Variants in PTPRM observed in about 807,000 individuals in gnomAD.
PTPRM encodes the protein protein tyrosine phosphatase receptor type M.
In PTPRM, 47 loss-of-function variants were observed where a neutral mutation model predicts 186.7. The ratio of observed to expected loss-of-function variants is 0.25; its 90% CI spans 0.20 to 0.32. The LOEUF (loss-of-function observed/expected upper bound fraction) is 0.32. Ranked by LOEUF, PTPRM falls within the 10% of genes least tolerant of loss-of-function variation. The pLI is 1.00. For synonymous variants in PTPRM, 668 were observed against 674.9 expected, an observed-to-expected ratio of 0.99 and a Z score of 0.16; for missense variants, 1,494 against 1,865.0, an observed-to-expected ratio of 0.80 and a Z score of 3.66.
intron 1 of PTPRM, among the ~76,000 whole-genome samples, chr18:7,625,463 G>T (rs550766958): frequency 2.0e-5 from 3 of 152,330 alleles, no homozygotes; most frequent in South Asian, 2.1e-4. Flanking sequence ...ATATTGCAAG[G>T]TAAGAGAATA....
chr18:7,762,346 C>T (rs574789341), intron 1 of PTPRM, among the ~76,000 whole-genome samples: 1 of 151,934 alleles, frequency 6.6e-6, no homozygotes, highest in East Asian at 2.0e-4. Flanking sequence ...GGGACAAGTG[C>T]TGAACAGGTG....
intron 14 of PTPRM, among the ~76,000 whole-genome samples, chr18:8,182,889 G>T (rs1313793003): frequency 1.3e-5 from 2 of 152,210 alleles, no homozygotes; most frequent in Non-Finnish European, 2.9e-5. Flanking sequence ...CACTGTGAGT[G>T]TGCACGGGTA....
chr18:8,302,702 A>G (rs1448565093), intron 20 of PTPRM, among the ~76,000 whole-genome samples: 1 of 152,076 alleles, frequency 6.6e-6, no homozygotes. Context: ...AAGACAGAAG[A>G]GCCAGAGATG....
chr18:8,085,690 G>C lies in PTPRM; in HGVS notation c.1571G>C (p.Ser524Thr), dbSNP rs568430278. The C allele has an allele frequency of 6.2e-7, 1 of 1,606,846 alleles. No homozygotes were observed. Among genetic ancestry groups the C allele is most frequent in the Admixed American group, 1.7e-5 (1 of 59,942 alleles). ...TLYEITYKAV[S>T]SFDPEIDLSN... The stretch of plus-strand genomic sequence containing the variant: ...TTGCAGATCACCTACAAAGCAGTCA[G>C]TTCCTTTGACCCAGAAATAGATTTA... The change falls in exon 10 of 33, where the codon AGT (serine) becomes ACT (threonine). Residue 524 changes from serine to threonine, a missense_variant. Physicochemically the swap from Ser to Thr is moderately conservative, Grantham distance 58. Transcript: ENST00000580170.
At chr18:7,884,368 C>T (rs542646771) in intron 2 of PTPRM, among the ~76,000 whole-genome samples, 9 of 152,184 alleles carry the variant, frequency 5.9e-5, no homozygotes, top group Middle Eastern at 3.4e-3. Flanking sequence ...AGGAGTGTAC[C>T]GCAGGGGAAG....
At chr18:7,899,823 A>G (rs897815088) in intron 3 of PTPRM, among the ~76,000 whole-genome samples, 3 of 152,116 alleles carry the variant, frequency 2.0e-5, no homozygotes, top group Admixed American at 1.3e-4. Flanking sequence ...TTTGAGGCCT[A>G]TGAAGTAATT....
chr18:7,615,029 C>T (rs1036467906), intron 1 of PTPRM, among the ~76,000 whole-genome samples: 2 of 152,050 alleles, frequency 1.3e-5, no homozygotes, highest in East Asian at 1.9e-4. Context: ...TAACATTTAC[C>T]GAGTGGCTTT....
At chr18:7,620,358 G>A (rs1210034054) in intron 1 of PTPRM, among the ~76,000 whole-genome samples, 1 of 152,012 alleles carries the variant, frequency 6.6e-6, no homozygotes, top group African/African-American at 2.4e-5. Flanking sequence ...TCAATTTTAT[G>A]CTAACCAAAC....
intron 14 of PTPRM, among the ~76,000 whole-genome samples, chr18:8,162,501 C>A (rs2093250103): frequency 6.6e-6 from 1 of 152,154 alleles, no homozygotes; most frequent in Non-Finnish European, 1.5e-5. Context: ...CCTGGCTGTG[C>A]CCACTTCTGC....
rs553649320 is a variant in PTPRM, at chr18:8,253,582, A to C, written c.2754+168A>C. Among the ~76,000 whole-genome samples the C allele has an allele frequency of 5.9e-5, 9 of 151,536 alleles. No individual in the cohort carries two copies. In the South Asian group the frequency reaches 1.9e-3, roughly 32 times the overall value. On this transcript the variant is annotated intron_variant, in intron 19 of 32. Transcript: ENST00000580170. ...AGTATTCTGGGGGATTGGTTCCAGG[A>C]CCCCAGTATATGTCCAAGTCCCGGT...
intron 23 of PTPRM, among the ~76,000 whole-genome samples, chr18:8,353,064 C>A (rs1219700724): frequency 6.6e-6 from 1 of 152,160 alleles, no homozygotes; most frequent in African/African-American, 2.4e-5. Flanking sequence ...GATTCCATGT[C>A]TTTGCTGAGG....
intron 31 of PTPRM, among the ~76,000 whole-genome samples, chr18:8,388,833 C>T (rs2095794019): frequency 1.3e-5 from 2 of 152,096 alleles, no homozygotes; most frequent in African/African-American, 2.4e-5. Flanking sequence ...TGGTGGTGGG[C>T]ACCTGTAGTC....
chr18:8,133,935 G>T (rs1355115828), intron 13 of PTPRM, among the ~76,000 whole-genome samples: 1 of 152,058 alleles, frequency 6.6e-6, no homozygotes, highest in African/African-American at 2.4e-5. Context: ...ATCCAGAAGA[G>T]AAATAGATGG....
At chr18:7,853,619 CT>C (rs1218152705) in intron 2 of PTPRM, among the ~76,000 whole-genome samples, 1 of 152,176 alleles carries the variant, frequency 6.6e-6, no homozygotes, top group African/African-American at 2.4e-5. Flanking sequence ...ATCTTCTCTT[CT>C]TCTCAAACAG....
At chr18:7,592,846 A>G (rs991857758) in intron 1 of PTPRM, among the ~76,000 whole-genome samples, 9 of 152,008 alleles carry the variant, frequency 5.9e-5, no homozygotes, top group African/African-American at 2.2e-4. Context: ...AGTGTTGCTG[A>G]ACCGAGACAG....
At chr18:8,346,860 T>C (rs980585805) in intron 23 of PTPRM, among the ~76,000 whole-genome samples, 1 of 150,810 alleles carries the variant, frequency 6.6e-6, no homozygotes, top group African/African-American at 2.4e-5. Context: ...AGGGAAGAGA[T>C]GGCCTTGCTC....
At position 7,875,158 on chromosome 18, in the gene PTPRM, T is replaced by C. The variant is rs113049274; in HGVS notation, c.197-12948T>C. Among the ~76,000 whole-genome samples, 890 of 151,840 alleles carry C rather than the reference T, an allele frequency of 5.9e-3. 8 individuals are homozygous for C. The highest frequency in any genetic ancestry group is 0.02 in the African/African-American group (841 of 41,434). ...TTGCAGTGAACTGAGATCGTGCCAC[T>C]GCACTCCAGCCTGGGTGACAGAACG... On this transcript the variant is annotated intron_variant, in intron 2 of 32. Coordinates refer to ENST00000580170, the MANE Select transcript of PTPRM (RefSeq NM_001105244.2).
At chr18:8,002,967 A>G (rs2083956519) in intron 7 of PTPRM, among the ~76,000 whole-genome samples, 1 of 152,170 alleles carries the variant, frequency 6.6e-6, no homozygotes, top group South Asian at 2.1e-4. Flanking sequence ...ATATCAAAGA[A>G]TTCTCTAAAA....
rs1370137101 is a variant in PTPRM, at chr18:7,668,237, C to T, written c.73+100346C>T. Among the ~76,000 whole-genome samples the T allele has an allele frequency of 6.6e-6, 1 of 152,136 alleles. No individual in the cohort carries two copies. Among genetic ancestry groups the T allele is most frequent in the Non-Finnish European group, 1.5e-5 (1 of 68,038 alleles). The stretch of plus-strand genomic sequence containing the variant: ...TGCCCGCAGACGCTGCTTCGTGTCC[C>T]CCATGACAGCTCTGGTGTGAATAGT... On this transcript the variant is annotated intron_variant, in intron 1 of 32. Transcript: ENST00000580170. This position sits in a 1 kb window ranked among gnomAD's most constrained non-coding sequence, Gnocchi z 4.7.
Sources: allele counts gnomAD v4.1 joint callset (sites outside exome capture counted in the v4.1 genomes callset), GRCh38; gene constraint gnomAD v4.1.1; non-coding constraint Gnocchi (gnomAD v3.1); transcripts MANE v1.5; gene names NCBI Gene and HGNC (gene_info 2026-07-23, HGNC 2026-07-21).